The following KLRG1 variants were observed in gnomAD, a reference collection of about 807,000 sequenced individuals.
KLRG1 encodes killer cell lectin like receptor G1.
In KLRG1, 16 loss-of-function variants were observed where a neutral mutation model predicts 21.8. The ratio of observed to expected loss-of-function variants is 0.73; its 90% CI spans 0.50 to 1.11. The LOEUF (loss-of-function observed/expected upper bound fraction) is 1.11, where lower values mean the gene tolerates loss of function less well. Among genes scored for constraint, KLRG1 ranks in the 50% most tolerant of loss-of-function variants. The pLI is 0.00. For missense variants in KLRG1, 173 were observed against 218.3 expected, an observed-to-expected ratio of 0.79 and a Z score of 1.31; for synonymous variants, 69 against 75.9, an observed-to-expected ratio of 0.91 and a Z score of 0.47.
intron 1 of KLRG1, among the ~76,000 whole-genome samples, chr12:8,966,067 G>T: frequency 6.6e-6 from 1 of 152,144 alleles, no homozygotes. Context: ...TGACAAACCT[G>T]AGAAAAACAA....
the KLRG1 span, chr12:9,193,956 A>G: frequency 1.0e-6 from 1 of 998,122 alleles, no homozygotes. Flanking sequence ...TCAAATTTGT[A>G]AACTCAAAGT....
the KLRG1 span, among the ~76,000 whole-genome samples, chr12:9,100,687 C>G: frequency 1.3e-5 from 2 of 152,170 alleles, no homozygotes; most frequent in Admixed American, 1.3e-4. Context: ...CCTCAACTTT[C>G]TTTTAATTAA....
chr12:9,031,041 G>T, the KLRG1 span, among the ~76,000 whole-genome samples: 4 of 152,166 alleles, frequency 2.6e-5, no homozygotes, highest in African/African-American at 9.7e-5. Context: ...TGAGACTGTG[G>T]GCAGAAATTA....
intron 3 of KLRG1, among the ~76,000 whole-genome samples, chr12:9,001,666 C>G (rs974484997): frequency 6.6e-6 from 1 of 152,136 alleles, no homozygotes; most frequent in African/African-American, 2.4e-5. Flanking sequence ...CTGTAACTTC[C>G]CCTAATAGAT....
At chr12:9,136,662 C>A in the KLRG1 span, among the ~76,000 whole-genome samples, 1 of 151,996 alleles carries the variant, frequency 6.6e-6, no homozygotes, top group Admixed American at 6.5e-5. Flanking sequence ...TACAAAGATT[C>A]CAGTTTTCTC....
At chr12:9,067,878 G>A in the KLRG1 span, 2 of 1,597,670 alleles carry the variant, frequency 1.3e-6, no homozygotes, top group Non-Finnish European at 1.7e-6. Flanking sequence ...GACAGATTTG[G>A]GTCTCCATGA....
At chr12:9,090,538 G>A in the KLRG1 span, 1 of 1,577,056 alleles carries the variant, frequency 6.3e-7, no homozygotes, top group Non-Finnish European at 8.7e-7. Context: ...AGGGAGAATG[G>A]GTTTGAAGTA....
At chr12:9,198,287 G>C in the KLRG1 span, among the ~76,000 whole-genome samples, 1 of 151,966 alleles carries the variant, frequency 6.6e-6, no homozygotes, top group Non-Finnish European at 1.5e-5. Flanking sequence ...AGGAGTTTGA[G>C]GCTACAGTGA....
At chr12:9,081,081 AAC>A in the KLRG1 span, among the ~76,000 whole-genome samples, 2 of 152,324 alleles carry the variant, frequency 1.3e-5, no homozygotes, top group East Asian at 3.9e-4. Flanking sequence ...AGATGCCATA[AAC>A]AAAGTTAAAA....
At chr12:8,952,936 A>G (rs1946229394) in intron 1 of KLRG1, among the ~76,000 whole-genome samples, 1 of 151,758 alleles carries the variant, frequency 6.6e-6, no homozygotes, top group Non-Finnish European at 1.5e-5. Context: ...TTTGATAGGT[A>G]CTGGCCACTT....
chr12:9,123,850 T>TG, the KLRG1 span, among the ~76,000 whole-genome samples: 3 of 143,850 alleles, frequency 2.1e-5, no homozygotes, highest in African/African-American at 8.8e-5. Flanking sequence ...ATGGCTTTTT[T>TG]TTTTTCGCGG....
the KLRG1 span, among the ~76,000 whole-genome samples, chr12:9,047,688 T>G: frequency 6.6e-6 from 1 of 152,114 alleles, no homozygotes; most frequent in African/African-American, 2.4e-5. Flanking sequence ...AAGGATAGAT[T>G]GAAAATAAAG....
intron 2 of KLRG1, among the ~76,000 whole-genome samples, chr12:8,993,081 ATTTT>A (rs35555710): frequency 0.04 from 5,104 of 128,976 alleles, 221 homozygotes; most frequent in African/African-American, 0.12. Context: ...AACATTCTGA[ATTTT>A]TTTTTTTTTT....
At chr12:9,142,515 A>G in the KLRG1 span, among the ~76,000 whole-genome samples, 1 of 152,242 alleles carries the variant, frequency 6.6e-6, no homozygotes, top group African/African-American at 2.4e-5. Context: ...GATTAAAGTC[A>G]CGTGAACTGA....
At chr12:9,051,507 G>T in the KLRG1 span, among the ~76,000 whole-genome samples, 42 of 152,288 alleles carry the variant, frequency 2.8e-4, 1 homozygote, top group East Asian at 7.9e-3. Context: ...TCCTCTCCAC[G>T]CTTCCTGTCT....
chr12:9,104,215 T>G, the KLRG1 span: 3 of 1,599,706 alleles, frequency 1.9e-6, no homozygotes, highest in Admixed American at 3.5e-5. Flanking sequence ...CTTCATGTCA[T>G]TGGTAATTTC....
the KLRG1 span, among the ~76,000 whole-genome samples, chr12:9,144,605 G>T: frequency 6.6e-6 from 1 of 152,182 alleles, no homozygotes; most frequent in Non-Finnish European, 1.5e-5. Flanking sequence ...CCTGAGAGGG[G>T]CTTCTGGCCA....
the KLRG1 span, among the ~76,000 whole-genome samples, chr12:9,159,749 T>C: frequency 1.3e-5 from 2 of 151,368 alleles, no homozygotes; most frequent in African/African-American, 4.9e-5. Context: ...AAGAAGACTC[T>C]CAACTAGATG....
intron 1 of KLRG1, among the ~76,000 whole-genome samples, chr12:8,951,518 A>T (rs187408596): frequency 6.6e-6 from 1 of 152,324 alleles, no homozygotes; most frequent in Non-Finnish European, 1.5e-5. Context: ...GACTTTACAA[A>T]TAAACTTTTT....
Sources: gnomAD v4.1 joint callset for allele counts (sites outside exome capture counted in the v4.1 genomes callset) on GRCh38, gnomAD v4.1.1 for gene constraint, MANE v1.5 for transcripts, NCBI Gene and HGNC (gene_info 2026-07-23, HGNC 2026-07-21) for gene names.